The following SNX29 variants were observed in gnomAD, a reference collection of about 807,000 sequenced individuals.
SNX29 encodes sorting nexin-29.
Under a neutral mutation model 102.1 loss-of-function variants are expected in SNX29, and 78 were observed. The observed-to-expected ratio is 0.76, with a 90% confidence interval of 0.64 to 0.92. SNX29 has a LOEUF of 0.92. SNX29 is among the 40% of genes least tolerant of loss of function. The pLI, the probability that SNX29 is intolerant of heterozygous loss-of-function variation, is 0.00. For missense variants in SNX29, 1,280 were observed against 1,061.7 expected (o/e 1.21, Z -2.86); for synonymous variants, 580 against 414.5 (o/e 1.40, Z -4.85).
intron 15 of SNX29, among the ~76,000 whole-genome samples, chr16:12,282,580 G>A (rs2059376061): frequency 6.6e-6 from 1 of 152,212 alleles, no homozygotes; most frequent in South Asian, 2.1e-4. Flanking sequence ...CTTGTGTAAT[G>A]CGTAAAGAAT....
chr16:12,177,432 T>C (rs1021755902), intron 13 of SNX29, among the ~76,000 whole-genome samples: 1 of 152,214 alleles, frequency 6.6e-6, no homozygotes, highest in African/African-American at 2.4e-5. Flanking sequence ...ATTATCGAGA[T>C]GTGACTAGGT....
chr16:12,564,773 G>A (rs563227887), intron 20 of SNX29, among the ~76,000 whole-genome samples: 7 of 151,944 alleles, frequency 4.6e-5, no homozygotes, highest in Non-Finnish European at 8.8e-5. Flanking sequence ...TTGGCTTTAT[G>A]ATTGCAGCCA....
intron 10 of SNX29, among the ~76,000 whole-genome samples, chr16:12,077,386 G>GGTGTGTGTGTGTGT (rs60621681): frequency 3.5e-5 from 5 of 142,786 alleles, no homozygotes; most frequent in African/African-American, 5.3e-5. Context: ...TCCTAGTCAT[G>GGTGTGTGTGTGTGT]GTGTGTGTGT....
chr16:12,493,839 G>A (rs151043597), intron 19 of SNX29, among the ~76,000 whole-genome samples: 1,942 of 152,240 alleles, frequency 0.013, 48 homozygotes, highest in East Asian at 0.085. Context: ...TGATCCACCC[G>A]CCTCGGCCTC....
chr16:12,193,108 T>C (rs927470907), intron 13 of SNX29, among the ~76,000 whole-genome samples: 1 of 152,228 alleles, frequency 6.6e-6, no homozygotes, highest in Non-Finnish European at 1.5e-5. Flanking sequence ...GTGCTGCAAT[T>C]ACAGGAATGT....
At chr16:12,157,097 G>A (rs567515045) in intron 13 of SNX29, among the ~76,000 whole-genome samples, 1 of 152,326 alleles carries the variant, frequency 6.6e-6, no homozygotes, top group East Asian at 1.9e-4. Flanking sequence ...GATTTCTTGA[G>A]ATGGCTGCAG....
At chr16:12,512,642 G>A (rs951726381) in intron 19 of SNX29, among the ~76,000 whole-genome samples, 3 of 151,806 alleles carry the variant, frequency 2.0e-5, no homozygotes, top group Non-Finnish European at 4.4e-5. Context: ...GGATACGCAG[G>A]CGGTTGATGG....
At chr16:12,269,272 G>A (rs2079022871) in intron 14 of SNX29, among the ~76,000 whole-genome samples, 1 of 152,176 alleles carries the variant, frequency 6.6e-6, no homozygotes, top group Non-Finnish European at 1.5e-5. Flanking sequence ...CGTGAATAAG[G>A]TAGATGTTAA....
At position 12,554,969 on chromosome 16, in the gene SNX29, G is replaced by A. The variant is rs530551027; in HGVS notation, c.2319-13537G>A. ...TGGAGAAAACAATGGAGGTGGTGAG[G>A]GGGGTCAGTCAGCCGGAGCACCTTT... On this transcript the variant is annotated intron_variant, in intron 20 of 20. Coordinates refer to ENST00000566228, the MANE Select transcript of SNX29 (RefSeq NM_032167.5). Among the ~76,000 whole-genome samples, 423 of 152,146 alleles carry A rather than the reference G, an allele frequency of 2.8e-3. 4 individuals carry two copies. Among genetic ancestry groups the A allele is most frequent in the Non-Finnish European group, 1.5e-3 (101 of 68,000 alleles).
chr16:12,019,591 T>TATATAG lies in SNX29; in HGVS notation c.123-7726_123-7725insTAGATA, dbSNP rs1555520334. Among the ~76,000 whole-genome samples, 695 of 142,820 alleles carry TATATAG rather than the reference T, an allele frequency of 4.9e-3. 6 individuals are homozygous for TATATAG. Among genetic ancestry groups the TATATAG allele is most frequent in the African/African-American group, 0.018 (666 of 37,566 alleles). 93.7% of individuals were successfully genotyped at this position (142,820 alleles called of 152,430 possible). A position where few individuals can be genotyped will look rare whatever the true frequency, so the allele number is the denominator to read the frequency against. On this transcript the variant is annotated intron_variant, in intron 3 of 20. Coordinates refer to ENST00000566228, the MANE Select transcript of SNX29 (RefSeq NM_032167.5). ...ATTGTTATATATGTAAATATATATATATAGATAGATAGATAGATAGATAGA... is the reference window on the plus strand; with the variant it reads ...ATTGTTATATATGTAAATATATATATATATAGATAGATAGATAGATAGATAGATAGA...
intron 4 of SNX29, among the ~76,000 whole-genome samples, chr16:12,032,778 G>T (rs1163445119): frequency 6.6e-6 from 1 of 151,766 alleles, no homozygotes; most frequent in Non-Finnish European, 1.5e-5. Flanking sequence ...ATACCCTGTT[G>T]CATTCCCACT....
chr16:12,559,480 A>T (rs775380962), intron 20 of SNX29, among the ~76,000 whole-genome samples: 45 of 151,766 alleles, frequency 3.0e-4, no homozygotes, highest in Middle Eastern at 3.2e-3. Flanking sequence ...AATTTTTTCC[A>T]TGTAGTAATA....
intron 20 of SNX29, among the ~76,000 whole-genome samples, chr16:12,558,514 T>C (rs935738660): frequency 1.3e-5 from 2 of 152,218 alleles, no homozygotes; most frequent in African/African-American, 2.4e-5. Context: ...ATGAGCACTG[T>C]TTACCCCAGG....
chr16:12,452,345 C>A (rs1300769320), intron 18 of SNX29, among the ~76,000 whole-genome samples: 2 of 19,208 alleles, frequency 1.0e-4, no homozygotes, highest in Non-Finnish European at 1.7e-4. Flanking sequence ...GAATGTCTCA[C>A]AATGCACAGG....
chr16:12,434,556 A>G (rs1272016896), intron 18 of SNX29, among the ~76,000 whole-genome samples: 1 of 152,128 alleles, frequency 6.6e-6, no homozygotes, highest in East Asian at 1.9e-4. Context: ...ACTGTTTTCT[A>G]AACTGTGTCC....
intron 13 of SNX29, among the ~76,000 whole-genome samples, chr16:12,184,998 G>A (rs796718194): frequency 3.9e-5 from 6 of 152,308 alleles, no homozygotes; most frequent in African/African-American, 1.2e-4. Context: ...CAGCAGTTCT[G>A]CTGTGGATGC....
At chr16:12,448,668 C>CT (rs2086169506) in intron 18 of SNX29, among the ~76,000 whole-genome samples, 1 of 152,136 alleles carries the variant, frequency 6.6e-6, no homozygotes, top group Non-Finnish European at 1.5e-5. Flanking sequence ...AAAAGCCTGA[C>CT]TTTATCGCAT....
At chr16:12,476,423 T>TATATATATATACATAC (rs1567603481) in intron 18 of SNX29, among the ~76,000 whole-genome samples, 1 of 74,022 alleles carries the variant, frequency 1.4e-5, no homozygotes, top group African/African-American at 4.9e-5. Context: ...CATATATATA[T>TATATATATATACATAC]ATATATATAT....
At chr16:12,441,326 G>T (rs1425893173) in intron 18 of SNX29, among the ~76,000 whole-genome samples, 1 of 151,984 alleles carries the variant, frequency 6.6e-6, no homozygotes, top group South Asian at 2.1e-4. Flanking sequence ...CTGACCTTGT[G>T]ATCCACCCAC....
Sources: gnomAD v4.1 joint callset for allele counts (sites outside exome capture counted in the v4.1 genomes callset) on GRCh38, gnomAD v4.1.1 for gene constraint, MANE v1.5 for transcripts, NCBI Gene and HGNC (gene_info 2026-07-23, HGNC 2026-07-21) for gene names.